The following NCAM2 variants were observed in gnomAD, a reference collection of about 807,000 sequenced individuals.
NCAM2 encodes the protein neural cell adhesion molecule 2.
A neutral mutation model predicts 98.1 loss-of-function variants in NCAM2; 30 were observed. That is an observed-to-expected ratio of 0.31 (90% CI 0.23 to 0.41). The LOEUF is 0.41. Among genes scored for constraint, NCAM2 ranks in the 10% least tolerant of loss-of-function variants. NCAM2 has a pLI of 1.00. For synonymous variants in NCAM2, 368 were observed against 342.4 expected, an observed-to-expected ratio of 1.07 and a Z score of -0.83; for missense variants, 867 against 1,005.8, an observed-to-expected ratio of 0.86 and a Z score of 1.87.
intron 1 of NCAM2, among the ~76,000 whole-genome samples, chr21:21,277,381 CTGATCAAAGATATTGATGTATTTAT>C (rs573741069): frequency 1.3e-5 from 2 of 152,222 alleles, no homozygotes; most frequent in African/African-American, 4.8e-5. Flanking sequence ...GAAATTCCTA[CTGATCAAAGATATTGATGTATTTAT>C]TGATACCATA....
At chr21:21,087,945 CT>C (rs1569009379) in intron 1 of NCAM2, among the ~76,000 whole-genome samples, 1 of 152,128 alleles carries the variant, frequency 6.6e-6, no homozygotes, top group African/African-American at 2.4e-5. Flanking sequence ...ATGTCATTGC[CT>C]TTATCCATAC....
rs534899567 is a variant in NCAM2, at chr21:21,230,088, C to T, written c.56-50490C>T. On this transcript the variant is annotated intron_variant, in intron 1 of 17. Transcript: ENST00000400546. ...GGCATATAAATTTTATGGACTTTGT[C>T]TAAATTCTCATATTCATGACATGCC... Among the ~76,000 whole-genome samples the T allele has an allele frequency of 1.8e-4, 27 of 151,170 alleles. No homozygotes were observed. The South Asian group carries it at 5.6e-3, about 31-fold the overall frequency.
intron 1 of NCAM2, among the ~76,000 whole-genome samples, chr21:21,189,346 G>T (rs1425632651): frequency 6.6e-6 from 1 of 152,058 alleles, no homozygotes; most frequent in Non-Finnish European, 1.5e-5. Context: ...GTTAATAATG[G>T]CTGAAAATAT....
chr21:21,060,733 G>C (rs1009722676), intron 1 of NCAM2, among the ~76,000 whole-genome samples: 1 of 152,074 alleles, frequency 6.6e-6, no homozygotes, highest in African/African-American at 2.4e-5. Context: ...CACACATATA[G>C]TTTTATTTGA....
At chr21:21,006,626 A>G (rs1399130033) in intron 1 of NCAM2, among the ~76,000 whole-genome samples, 17 of 152,188 alleles carry the variant, frequency 1.1e-4, no homozygotes, top group Admixed American at 1.1e-3. Context: ...AGCTATGAAG[A>G]CATTAAGAAA....
chr21:21,360,432 T>C (rs565649451), intron 8 of NCAM2, among the ~76,000 whole-genome samples: 71 of 152,146 alleles, frequency 4.7e-4, no homozygotes, highest in African/African-American at 1.7e-3. Flanking sequence ...ATCCACAAAG[T>C]TTTTGTCTGA....
intron 8 of NCAM2, among the ~76,000 whole-genome samples, chr21:21,339,926 A>G (rs1398696791): frequency 6.6e-6 from 1 of 151,846 alleles, no homozygotes; most frequent in Non-Finnish European, 1.5e-5. Context: ...TATTTTATAT[A>G]TTCAAGTTGA....
At chr21:21,495,570 T>G (rs1987167119) in intron 15 of NCAM2, among the ~76,000 whole-genome samples, 1 of 152,074 alleles carries the variant, frequency 6.6e-6, no homozygotes, top group Admixed American at 6.6e-5. Flanking sequence ...TTTGTCAATT[T>G]TGATTTGGTT....
chr21:21,135,947 A>T (rs1412870012), intron 1 of NCAM2, among the ~76,000 whole-genome samples: 1 of 151,792 alleles, frequency 6.6e-6, no homozygotes, highest in Non-Finnish European at 1.5e-5. Flanking sequence ...TTTAAAAAAA[A>T]TTGTTATGAC....
intron 1 of NCAM2, among the ~76,000 whole-genome samples, chr21:21,016,400 T>A (rs950093617): frequency 4.7e-5 from 7 of 150,450 alleles, no homozygotes; most frequent in African/African-American, 1.5e-4. Context: ...TTCGTATGTG[T>A]GATCTCATAT....
intron 15 of NCAM2, among the ~76,000 whole-genome samples, chr21:21,482,359 GA>G (rs1985968079): frequency 1.3e-5 from 2 of 151,962 alleles, no homozygotes; most frequent in Admixed American, 1.3e-4. Context: ...ATTTTAAAAT[GA>G]AATATAAATT....
intron 1 of NCAM2, among the ~76,000 whole-genome samples, chr21:21,006,541 T>A (rs1601068874): frequency 6.6e-6 from 1 of 152,230 alleles, no homozygotes; most frequent in East Asian, 1.9e-4. Context: ...TGTCGATCCA[T>A]ACATGATTTT....
chr21:21,399,833 A>G (rs2076591179), intron 9 of NCAM2, among the ~76,000 whole-genome samples: 1 of 152,222 alleles, frequency 6.6e-6, no homozygotes, highest in Non-Finnish European at 1.5e-5. Context: ...CTTAGGTCAC[A>G]GTTACCAACC....
intron 8 of NCAM2, among the ~76,000 whole-genome samples, chr21:21,360,099 T>C (rs924477316): frequency 1.3e-5 from 2 of 151,962 alleles, no homozygotes; most frequent in African/African-American, 2.4e-5. Context: ...ATGAATTTCA[T>C]TGTTGAGCTT....
In NCAM2 at chr21:21,009,091, G is replaced by T. The variant is rs181540996; in HGVS notation, c.55+10473G>T. On this transcript the variant is annotated intron_variant, in intron 1 of 17. Coordinates refer to ENST00000400546, the MANE Select transcript of NCAM2 (RefSeq NM_004540.5). ...GCAATGTACTTGAATAGAGAGAATA[G>T]AGAGTTTTCTGTAAATTCATATGTG... Among the ~76,000 whole-genome samples, 71 of 152,204 alleles carry T rather than the reference G, an allele frequency of 4.7e-4. No homozygotes were observed. In the Middle Eastern group the frequency reaches 0.01, roughly 22 times the overall value.
chr21:21,127,923 T>G (rs959314073), intron 1 of NCAM2, among the ~76,000 whole-genome samples: 14 of 152,184 alleles, frequency 9.2e-5, no homozygotes, highest in African/African-American at 3.4e-4. Flanking sequence ...CACAATTATA[T>G]TAACTAGAAA....
At chr21:21,110,057 G>C (rs1044875527) in intron 1 of NCAM2, among the ~76,000 whole-genome samples, 1 of 152,300 alleles carries the variant, frequency 6.6e-6, no homozygotes, top group South Asian at 2.1e-4. Flanking sequence ...ACCATTCCAT[G>C]AAGGGGCCAG....
At chr21:21,243,806 A>G (rs2071162157) in intron 1 of NCAM2, among the ~76,000 whole-genome samples, 1 of 152,190 alleles carries the variant, frequency 6.6e-6, no homozygotes, top group African/African-American at 2.4e-5. Flanking sequence ...GAATAGATAG[A>G]GGGTTGTATC....
chr21:21,247,238 G>T (rs2071310360), intron 1 of NCAM2, among the ~76,000 whole-genome samples: 1 of 152,072 alleles, frequency 6.6e-6, no homozygotes, highest in Non-Finnish European at 1.5e-5. Context: ...AGAATGGCGT[G>T]AACCCGGGAG....
Sources: allele counts gnomAD v4.1 joint callset (sites outside exome capture counted in the v4.1 genomes callset), GRCh38; gene constraint gnomAD v4.1.1; transcripts MANE v1.5; gene names NCBI Gene and HGNC (gene_info 2026-07-23, HGNC 2026-07-21).